The following CTNNA2 variants were observed in gnomAD, a reference collection of about 807,000 sequenced individuals.
CTNNA2 encodes catenin alpha 2.
A neutral mutation model predicts 101.0 loss-of-function variants in CTNNA2; 42 were observed. That is an observed-to-expected ratio of 0.42 (90% CI 0.32 to 0.54). The LOEUF (loss-of-function observed/expected upper bound fraction) is 0.54, where lower values mean the gene tolerates loss of function less well. Ranked by LOEUF, CTNNA2 falls within the 20% of genes least tolerant of loss-of-function variation. The probability of loss-of-function intolerance (pLI) is 0.14; values close to 1 mark genes in which losing one functional copy is unlikely to be tolerated. For synonymous variants in CTNNA2, 450 were observed against 456.4 expected (o/e 0.99, Z 0.18); for missense variants, 871 against 1,223.1 (o/e 0.71, Z 4.29).
rs1049742605 is a variant in CTNNA2, at chr2:79,936,542, G to A, written c.1056+26745G>A. Among the ~76,000 whole-genome samples the A allele has an allele frequency of 1.0e-4, 9 of 86,894 alleles. No individual in the cohort carries two copies. The East Asian group carries it at 2.8e-3, about 27-fold the overall frequency. 57.0% of individuals were successfully genotyped at this position (86,894 alleles called of 152,430 possible). A position where few individuals can be genotyped will look rare whatever the true frequency, so the allele number is the denominator to read the frequency against. On this transcript the variant is annotated intron_variant, in intron 7 of 18. Coordinates refer to ENST00000402739, the MANE Select transcript of CTNNA2 (RefSeq NM_001282597.3). The stretch of plus-strand genomic sequence containing the variant: ...GTGGCTGTTTCTGGAAACTCCAAGC[G>A]TCCTTTTTTTTTTTTCCTAGCATCT...
chr2:80,008,257 A>C (rs1346498333), intron 7 of CTNNA2, among the ~76,000 whole-genome samples: 1 of 152,176 alleles, frequency 6.6e-6, no homozygotes, highest in African/African-American at 2.4e-5. Flanking sequence ...TTTAGAAAGC[A>C]CAGTTGTTAT....
chr2:79,867,401 A>C (rs1304338835), intron 4 of CTNNA2, among the ~76,000 whole-genome samples: 1 of 151,810 alleles, frequency 6.6e-6, no homozygotes, highest in Non-Finnish European at 1.5e-5. Context: ...TATCTATCCT[A>C]TCCATCCATC....
At chr2:79,921,002 T>C (rs764145196) in intron 7 of CTNNA2, among the ~76,000 whole-genome samples, 1 of 152,182 alleles carries the variant, frequency 6.6e-6, no homozygotes, top group East Asian at 1.9e-4. Context: ...CTGGGGACTT[T>C]GGAAATTTCT....
intron 7 of CTNNA2, among the ~76,000 whole-genome samples, chr2:80,170,155 T>C (rs554872837): frequency 6.6e-6 from 1 of 152,114 alleles, no homozygotes; most frequent in Non-Finnish European, 1.5e-5. Context: ...TTTCTTTTTA[T>C]AATGCATTTT....
chr2:79,211,723 A>G (rs1488782581), intron 2 of CTNNA2, among the ~76,000 whole-genome samples: 1 of 152,198 alleles, frequency 6.6e-6, no homozygotes, highest in African/African-American at 2.4e-5. Flanking sequence ...GTCACATGGG[A>G]TATGATGGCT....
At chr2:79,627,338 C>A (rs1679384901) in intron 1 of CTNNA2, among the ~76,000 whole-genome samples, 1 of 152,178 alleles carries the variant, frequency 6.6e-6, no homozygotes, top group Admixed American at 6.5e-5. Flanking sequence ...GCTCCCAGAG[C>A]TGTTTGAAAT....
At chr2:80,484,465 G>A (rs1023501391) in intron 9 of CTNNA2, among the ~76,000 whole-genome samples, 1 of 152,064 alleles carries the variant, frequency 6.6e-6, no homozygotes, top group Non-Finnish European at 1.5e-5. Flanking sequence ...GCTGTTCGGC[G>A]AAAAAGGAAT....
At chr2:80,598,531 C>T (rs1363095472) in intron 15 of CTNNA2, among the ~76,000 whole-genome samples, 2 of 152,018 alleles carry the variant, frequency 1.3e-5, no homozygotes, top group Non-Finnish European at 2.9e-5. Flanking sequence ...TGCTCTCAGA[C>T]ATTTATCCAG....
rs1356676384 is a variant in CTNNA2, at chr2:80,544,985, G to T, written c.1294G>T (p.Ala432Ser). 6.2e-6 allele frequency: 10 copies of T among 1,613,704 alleles called. No individual in the cohort carries two copies. The highest frequency in any genetic ancestry group is 8.5e-6 in the Non-Finnish European group (10 of 1,179,836). The change falls in exon 10 of 19, where the codon GCC (alanine) becomes TCC (serine). Residue 432 changes from alanine (A) to serine (S), a missense_variant. Physicochemically the swap from Ala to Ser is moderately conservative, Grantham distance 99 (BLOSUM62 1). Transcript: ENST00000402739. Reference protein sequence around the residue: ...REHANKLVEVANLACSISNNE... With the variant: ...REHANKLVEVSNLACSISNNE... ...ACTAAAATCCTCTTCAATACAGGTTGCCAATTTGGCCTGTTCCATCTCCAA... is the reference window on the plus strand; with the variant it reads ...ACTAAAATCCTCTTCAATACAGGTTTCCAATTTGGCCTGTTCCATCTCCAA...
chr2:79,977,924 G>C (rs1325797225), intron 7 of CTNNA2, among the ~76,000 whole-genome samples: 1 of 152,080 alleles, frequency 6.6e-6, no homozygotes, highest in African/African-American at 2.4e-5. Context: ...GGGTGCTCAA[G>C]CTTGGGTGGT....
Position 80,303,678 on chromosome 2 carries a change from G to A in CTNNA2, c.1057-89533G>A. 6.2e-7 allele frequency: 1 copy of A among 1,611,076 alleles called. No individual in the cohort carries two copies. Among genetic ancestry groups the A allele is most frequent in the Non-Finnish European group, 8.5e-7 (1 of 1,178,276 alleles). On this transcript the variant is annotated intron_variant, in intron 7 of 18. Coordinates refer to ENST00000402739, the MANE Select transcript of CTNNA2 (RefSeq NM_001282597.3). This position sits in a 1 kb window ranked among gnomAD's most constrained non-coding sequence, Gnocchi z 7.7. ...TTGAGCGCCTCGCAGTACAGCAGCC[G>A]CCCCTCGCACCGGCACAGCTGCGGG...
intron 7 of CTNNA2, among the ~76,000 whole-genome samples, chr2:79,933,543 G>A (rs548342975): frequency 2.9e-4 from 44 of 151,028 alleles, no homozygotes; most frequent in Middle Eastern, 3.4e-3. Context: ...CAACCTCTGC[G>A]TCCCGGGTTC....
At chr2:79,315,707 AC>A (rs1371840561) in intron 3 of CTNNA2, among the ~76,000 whole-genome samples, 1 of 152,140 alleles carries the variant, frequency 6.6e-6, no homozygotes, top group East Asian at 1.9e-4. Context: ...GGATAGTGCT[AC>A]TATGAATATC....
chr2:79,848,324 A>G (rs1680401705), intron 3 of CTNNA2, among the ~76,000 whole-genome samples: 1 of 152,152 alleles, frequency 6.6e-6, no homozygotes. Context: ...GGTCCTCTAT[A>G]TGCCATTTTT....
rs896658383 is a variant in CTNNA2, at chr2:80,115,764, G to A, written c.1056+205967G>A. Among the ~76,000 whole-genome samples, 5 of 152,132 alleles carry A rather than the reference G, an allele frequency of 3.3e-5. No homozygotes were observed. The South Asian group carries it at 1.0e-3, about 31-fold the overall frequency. ...GCCACGTGGAAGGGCAAGGTTCTGG[G>A]AATGGAAAATAGTTCTAGATTATTA... On this transcript the variant is annotated intron_variant, in intron 7 of 18. Coordinates refer to ENST00000402739, the MANE Select transcript of CTNNA2 (RefSeq NM_001282597.3).
At chr2:80,011,644 CTTG>C (rs1386271259) in intron 7 of CTNNA2, among the ~76,000 whole-genome samples, 4 of 152,088 alleles carry the variant, frequency 2.6e-5, no homozygotes, top group African/African-American at 9.7e-5. Context: ...TTTGTTTTTT[CTTG>C]TTGTTGTTTG....
In CTNNA2 at chr2:80,302,839, C is replaced by T. The variant is rs1393641772; in HGVS notation, c.1057-90372C>T. The stretch of plus-strand genomic sequence containing the variant: ...AGCGCCCCTGGAAGTTGTTGAGCCA[C>T]GAGGCTAGGGCACACACGTTGCGCC... On this transcript the variant is annotated intron_variant, in intron 7 of 18. Coordinates refer to ENST00000402739, the MANE Select transcript of CTNNA2 (RefSeq NM_001282597.3). This position sits in a 1 kb window ranked among gnomAD's most constrained non-coding sequence, Gnocchi z 6.4. 17 of 1,614,064 alleles carry T rather than the reference C, an allele frequency of 1.1e-5. No homozygotes were observed. Among genetic ancestry groups the T allele is most frequent in the Admixed American group, 1.7e-5 (1 of 60,032 alleles).
chr2:79,298,419 C>A (rs1676032677), intron 2 of CTNNA2, among the ~76,000 whole-genome samples: 1 of 152,138 alleles, frequency 6.6e-6, no homozygotes, highest in Non-Finnish European at 1.5e-5. Flanking sequence ...CAAATTTCAA[C>A]ATGAGATTTG....
chr2:80,632,991 G>A (rs562672549), intron 18 of CTNNA2, among the ~76,000 whole-genome samples: 2 of 152,280 alleles, frequency 1.3e-5, no homozygotes, highest in Non-Finnish European at 2.9e-5. Flanking sequence ...AAGACTTAGA[G>A]CCAGTTTCTC....
Sources: gnomAD v4.1 joint callset for allele counts (sites outside exome capture counted in the v4.1 genomes callset) on GRCh38, gnomAD v4.1.1 for gene constraint, Gnocchi (gnomAD v3.1) non-coding constraint, MANE v1.5 for transcripts, NCBI Gene and HGNC (gene_info 2026-07-23, HGNC 2026-07-21) for gene names.